The following HIVEP3 variants were observed in gnomAD, a reference collection of about 807,000 sequenced individuals.
The protein encoded by HIVEP3 is transcription factor HIVEP3.
Under a neutral mutation model 152.8 loss-of-function variants are expected in HIVEP3, and 49 were observed. The observed-to-expected ratio is 0.32, with a 90% CI of 0.26 to 0.41. HIVEP3 has a LOEUF of 0.41. HIVEP3 is among the 10% of genes least tolerant of loss of function. The pLI is 1.00. For missense variants in HIVEP3, 2,790 were observed against 3,103.3 expected, an observed-to-expected ratio of 0.90 and a Z score of 2.40; for synonymous variants, 1,269 against 1,289.0, an observed-to-expected ratio of 0.98 and a Z score of 0.33.
chr1:41,814,158 C>T (rs1017856500), intron 1 of HIVEP3, among the ~76,000 whole-genome samples: 47 of 152,154 alleles, frequency 3.1e-4, no homozygotes, highest in African/African-American at 9.4e-4. Flanking sequence ...TGCTTTTAGG[C>T]CATGGGTGAA....
chr1:41,772,477 G>A (rs1030448556), intron 1 of HIVEP3, among the ~76,000 whole-genome samples: 1 of 152,110 alleles, frequency 6.6e-6, no homozygotes, highest in Non-Finnish European at 1.5e-5. Flanking sequence ...GAGGTGGCAG[G>A]GAAAGGAACA....
chr1:41,761,212 G>A (rs1647654785), intron 1 of HIVEP3, among the ~76,000 whole-genome samples: 1 of 152,208 alleles, frequency 6.6e-6, no homozygotes, highest in Non-Finnish European at 1.5e-5. Flanking sequence ...GCCCAGGTGT[G>A]TATGCATATG....
Position 41,581,540 on chromosome 1 carries a change from G to T in HIVEP3, c.3258C>A (p.Ser1086=), listed in dbSNP as rs755009116. The T allele has an allele frequency of 2.9e-5, 47 of 1,600,624 alleles. No individual in the cohort carries two copies. In the East Asian group the frequency reaches 3.1e-4, roughly 11 times the overall value. The change falls in exon 4 of 9, where the codon TCC becomes TCA. Residue 1086 remains serine (S), a synonymous_variant. Coordinates refer to ENST00000372583, the MANE Select transcript of HIVEP3 (RefSeq NM_024503.5). This position sits in a 1 kb window ranked among gnomAD's most constrained non-coding sequence, Gnocchi z 4.5. Reference sequence around the variant, plus strand: ...GTGAGGTGGCCGCAGAGGAAATCTGGGACAATGAGCTTTTGGCAGAGGGTT... The same window carrying T: ...GTGAGGTGGCCGCAGAGGAAATCTGTGACAATGAGCTTTTGGCAGAGGGTT... ...SSKPSAKSSL[S]QISSAATSHG...
At chr1:41,770,804 T>C (rs776308323) in intron 1 of HIVEP3, among the ~76,000 whole-genome samples, 7 of 152,100 alleles carry the variant, frequency 4.6e-5, no homozygotes, top group Non-Finnish European at 8.8e-5. Context: ...CAATGTGCAA[T>C]CCTGGATTGG....
chr1:41,653,221 T>C (rs1394741449), intron 2 of HIVEP3, among the ~76,000 whole-genome samples: 2 of 152,112 alleles, frequency 1.3e-5, no homozygotes, highest in Non-Finnish European at 2.9e-5. Context: ...TGTGCGTGTG[T>C]GTGTGTGTGT....
At chr1:41,573,468 G>A (rs1424016065) in intron 5 of HIVEP3, among the ~76,000 whole-genome samples, 1 of 152,230 alleles carries the variant, frequency 6.6e-6, no homozygotes, top group Non-Finnish European at 1.5e-5. Context: ...CCAGGCTGGG[G>A]GAGGAAAGGA....
chr1:41,977,858 C>A (rs376136072), intron 1 of HIVEP3, among the ~76,000 whole-genome samples: 9 of 152,180 alleles, frequency 5.9e-5, no homozygotes, highest in African/African-American at 2.2e-4. Flanking sequence ...ATACACCTCA[C>A]GTGGATGCTT....
At chr1:41,882,478 C>A (rs531347993) in intron 1 of HIVEP3, among the ~76,000 whole-genome samples, 1 of 152,294 alleles carries the variant, frequency 6.6e-6, no homozygotes, top group Admixed American at 6.5e-5. Context: ...CTAGGTAGAC[C>A]TGGGAAGGGA....
At position 41,571,597 on chromosome 1, in the gene HIVEP3, G is replaced by C. The variant is rs773244504; in HGVS notation, c.5207+3947C>G. On this transcript the variant is annotated intron_variant, in intron 5 of 8. Coordinates refer to ENST00000372583, the MANE Select transcript of HIVEP3 (RefSeq NM_024503.5). ...CAGGACCCAAGTCAAGAAGGGACTT[G>C]GGAGGAGACAGAAATGGATCTTAGC... Among the ~76,000 whole-genome samples, 10 of 152,228 alleles carry C rather than the reference G, an allele frequency of 6.6e-5. 1 individual carries two copies. Among genetic ancestry groups the C allele is most frequent in the African/African-American group, 2.2e-4 (9 of 41,448 alleles).
chr1:41,859,157 C>T (rs1378591467), intron 1 of HIVEP3, among the ~76,000 whole-genome samples: 1 of 152,220 alleles, frequency 6.6e-6, no homozygotes, highest in Admixed American at 6.5e-5. Context: ...CAACAAATGA[C>T]TGCCCCTAGG....
chr1:41,695,208 G>C (rs985712478), intron 2 of HIVEP3, among the ~76,000 whole-genome samples: 5 of 152,150 alleles, frequency 3.3e-5, no homozygotes, highest in Admixed American at 2.0e-4. Flanking sequence ...TGGTGGACTC[G>C]CCATGGAGGC....
intron 1 of HIVEP3, among the ~76,000 whole-genome samples, chr1:41,737,809 G>A (rs1245690012): frequency 6.6e-6 from 1 of 152,132 alleles, no homozygotes; most frequent in African/African-American, 2.4e-5. Flanking sequence ...AACTGGGCAG[G>A]GAGATATATT....
intron 2 of HIVEP3, among the ~76,000 whole-genome samples, chr1:41,684,428 C>G (rs574581946): frequency 1.3e-5 from 2 of 152,232 alleles, no homozygotes; most frequent in Non-Finnish European, 2.9e-5. Flanking sequence ...GGGTCTCCAG[C>G]GACTCCCTGC....
chr1:41,603,147 A>G (rs1644770483), intron 3 of HIVEP3, among the ~76,000 whole-genome samples: 1 of 151,778 alleles, frequency 6.6e-6, no homozygotes, highest in African/African-American at 2.4e-5. Flanking sequence ...GCTCACTGCA[A>G]CCTCCACCTC....
rs746029097 is a variant in HIVEP3, at chr1:41,533,617, G to A, written c.5208-8707C>T. On this transcript the variant is annotated intron_variant, in intron 5 of 8. Coordinates refer to ENST00000372583, the MANE Select transcript of HIVEP3 (RefSeq NM_024503.5). This position sits in a 1 kb window ranked among gnomAD's most constrained non-coding sequence, Gnocchi z 4.3. ...AAAGTCCATTTGCCTCATCCTGTCC[G>A]CCCTCTTGCTGGCCTTCTGGAGGCA... Among the ~76,000 whole-genome samples, 3 of 151,864 alleles carry A rather than the reference G, an allele frequency of 2.0e-5. No individual in the cohort carries two copies. Among genetic ancestry groups the A allele is most frequent in the African/African-American group, 4.8e-5 (2 of 41,298 alleles).
intron 1 of HIVEP3, among the ~76,000 whole-genome samples, chr1:41,760,723 G>C (rs1647615182): frequency 6.6e-6 from 1 of 152,196 alleles, no homozygotes; most frequent in South Asian, 2.1e-4. Context: ...ATGCCCAAAT[G>C]CTCCACAATG....
At chr1:41,871,071 G>T (rs150049751) in intron 1 of HIVEP3, among the ~76,000 whole-genome samples, 4 of 152,326 alleles carry the variant, frequency 2.6e-5, no homozygotes, top group African/African-American at 7.2e-5. Context: ...AACAAGATGG[G>T]TTAAAACCAA....
intron 1 of HIVEP3, among the ~76,000 whole-genome samples, chr1:41,711,294 T>C (rs1227918137): frequency 6.6e-6 from 1 of 152,204 alleles, no homozygotes; most frequent in Non-Finnish European, 1.5e-5. Context: ...TCAAGGCTGG[T>C]GATTTGCAAA....
At chr1:41,562,928 G>A (rs1644101160) in intron 5 of HIVEP3, among the ~76,000 whole-genome samples, 1 of 151,984 alleles carries the variant, frequency 6.6e-6, no homozygotes, top group Non-Finnish European at 1.5e-5. Context: ...AACTCCAGCA[G>A]CTCAGGAGAC....
Sources: gnomAD v4.1 joint callset for allele counts (sites outside exome capture counted in the v4.1 genomes callset) on GRCh38, gnomAD v4.1.1 for gene constraint, Gnocchi (gnomAD v3.1) non-coding constraint, MANE v1.5 for transcripts, NCBI Gene and HGNC (gene_info 2026-07-23, HGNC 2026-07-21) for gene names.